DAB1: variants seen among roughly 807,000 people sequenced by gnomAD.
The protein encoded by DAB1 is disabled homolog 1.
A neutral mutation model predicts 64.6 loss-of-function variants in DAB1; 15 were observed. That is an observed-to-expected ratio of 0.23 (90% confidence interval 0.16 to 0.36). The LOEUF (loss-of-function observed/expected upper bound fraction) is 0.36. Among genes scored for constraint, DAB1 ranks in the 10% least tolerant of loss-of-function variants. DAB1 has a pLI of 1.00. For synonymous variants in DAB1, 235 were observed against 251.9 expected, an observed-to-expected ratio of 0.93 and a Z score of 0.64; for missense variants, 596 against 706.7, an observed-to-expected ratio of 0.84 and a Z score of 1.78.
At chr1:57,057,804 T>C (rs1304969485) in intron 9 of DAB1, among the ~76,000 whole-genome samples, 1 of 151,874 alleles carries the variant, frequency 6.6e-6, no homozygotes, top group Non-Finnish European at 1.5e-5. Flanking sequence ...GAGACGGGGT[T>C]TCACTGTATT....
At chr1:57,698,165 T>C (rs1399007063) in intron 6 of DAB1, among the ~76,000 whole-genome samples, 1 of 151,918 alleles carries the variant, frequency 6.6e-6, no homozygotes, top group Non-Finnish European at 1.5e-5. Context: ...TGGCTCACTG[T>C]AGCCTCAAAT....
At chr1:58,384,357 A>G (rs1644415521) in intron 3 of DAB1, among the ~76,000 whole-genome samples, 1 of 152,210 alleles carries the variant, frequency 6.6e-6, no homozygotes, top group South Asian at 2.1e-4. Flanking sequence ...AGACGATAGA[A>G]TGGTGGTTAT....
chr1:58,275,940 TAAC>T (rs1166081281), intron 4 of DAB1, among the ~76,000 whole-genome samples: 1 of 152,206 alleles, frequency 6.6e-6, no homozygotes, highest in Non-Finnish European at 1.5e-5. Context: ...TAACAACAGA[TAAC>T]AAAATGTGTT....
At chr1:58,331,400 T>A (rs1662964516) in intron 4 of DAB1, among the ~76,000 whole-genome samples, 1 of 152,212 alleles carries the variant, frequency 6.6e-6, no homozygotes, top group South Asian at 2.1e-4. Flanking sequence ...CTTAGAGTAG[T>A]ACACAAATTT....
intron 7 of DAB1, among the ~76,000 whole-genome samples, chr1:57,444,215 T>G (rs1450410465): frequency 6.6e-6 from 1 of 152,178 alleles, no homozygotes; most frequent in Non-Finnish European, 1.5e-5. Context: ...TAACATCACT[T>G]ATTCAGAGAG....
In DAB1 at chr1:57,072,284, G is replaced by A. The variant is rs377691560; in HGVS notation, c.437C>T (p.Ala146Val). Reference sequence around the variant, plus strand: ...CCCTTCTTGGATAGGGATACTCACCGCCTGGGCTGTTTTTATGGCCACAAA... The same window carrying A: ...CCCTTCTTGGATAGGGATACTCACCACCTGGGCTGTTTTTATGGCCACAAA... ...HRFVAIKTAQ[A>V]AEPVILDLRD... The change falls in exon 5 of 15, where the codon GCG (alanine) becomes GTG (valine). Residue 146 changes from alanine to valine, a missense_variant and splice_region_variant. By Grantham distance (64) the Ala-to-Val change is moderately conservative (BLOSUM62 0). Coordinates refer to ENST00000371236, the MANE Select transcript of DAB1 (RefSeq NM_001365792.1). The A allele has an allele frequency of 1.8e-5, 29 of 1,613,124 alleles. No homozygotes were observed. Among genetic ancestry groups the A allele is most frequent in the East Asian group, 4.5e-5 (2 of 44,862 alleles).
intron 7 of DAB1, among the ~76,000 whole-genome samples, chr1:57,636,944 A>G (rs1253730471): frequency 6.6e-6 from 1 of 152,164 alleles, no homozygotes. Flanking sequence ...TAACATATGG[A>G]TGGTAGTTAA....
At chr1:57,017,073 T>G (rs1182127773) in intron 11 of DAB1, among the ~76,000 whole-genome samples, 2 of 152,130 alleles carry the variant, frequency 1.3e-5, no homozygotes, top group Non-Finnish European at 2.9e-5. Flanking sequence ...TTCTGATCTT[T>G]GCAGTTAATA....
At chr1:58,086,349 C>G (rs1365361603) in intron 5 of DAB1, among the ~76,000 whole-genome samples, 1 of 152,132 alleles carries the variant, frequency 6.6e-6, no homozygotes, top group Non-Finnish European at 1.5e-5. Flanking sequence ...ATGACATACA[C>G]ACATTGTTGT....
chr1:58,142,609 G>A (rs1300457947), intron 5 of DAB1, among the ~76,000 whole-genome samples: 1 of 152,216 alleles, frequency 6.6e-6, no homozygotes, highest in African/African-American at 2.4e-5. Flanking sequence ...TCCCTTTCAT[G>A]GCCCTGGGCC....
chr1:57,518,763 A>G (rs899271851), intron 7 of DAB1, among the ~76,000 whole-genome samples: 3 of 152,168 alleles, frequency 2.0e-5, no homozygotes, highest in Admixed American at 2.0e-4. Flanking sequence ...ACTCTAAACT[A>G]GTCTCACATA....
chr1:57,720,134 G>A (rs1647133387), intron 6 of DAB1, among the ~76,000 whole-genome samples: 1 of 152,108 alleles, frequency 6.6e-6, no homozygotes, highest in Non-Finnish European at 1.5e-5. Context: ...TACCTAAGCT[G>A]ATTAACTAAA....
chr1:57,261,648 T>C (rs921764090), intron 2 of DAB1, among the ~76,000 whole-genome samples: 2 of 152,120 alleles, frequency 1.3e-5, no homozygotes, highest in Non-Finnish European at 1.5e-5. Context: ...CTCAGCTCAG[T>C]ACCTGGCACA....
intron 3 of DAB1, among the ~76,000 whole-genome samples, chr1:58,407,669 G>A (rs941760789): frequency 1.1e-4 from 16 of 152,064 alleles, no homozygotes; most frequent in East Asian, 3.9e-4. Flanking sequence ...TACACTCCAC[G>A]TCCAGGCAGC....
At chr1:57,004,339 T>G (rs1402141188) in intron 14 of DAB1, among the ~76,000 whole-genome samples, 1 of 152,216 alleles carries the variant, frequency 6.6e-6, no homozygotes. Context: ...CATTTAATAT[T>G]TCTTGTATTT....
intron 6 of DAB1, among the ~76,000 whole-genome samples, chr1:57,757,452 T>C (rs1461483049): frequency 6.6e-6 from 1 of 152,014 alleles, no homozygotes; most frequent in Non-Finnish European, 1.5e-5. Context: ...AAAGGGTGAA[T>C]ACTCCCTTCC....
intron 6 of DAB1, among the ~76,000 whole-genome samples, chr1:57,675,212 T>C (rs1354533601): frequency 3.9e-5 from 6 of 152,190 alleles, no homozygotes; most frequent in Admixed American, 1.3e-4. Flanking sequence ...ATCCAGAGAT[T>C]TGGGGATATT....
At chr1:57,479,721 G>A (rs1199451587) in intron 7 of DAB1, among the ~76,000 whole-genome samples, 2 of 152,016 alleles carry the variant, frequency 1.3e-5, no homozygotes, top group Non-Finnish European at 2.9e-5. Context: ...CTGGGGGCTG[G>A]CACAATGGAA....
chr1:57,619,748 T>C (rs1570679619), intron 7 of DAB1, among the ~76,000 whole-genome samples: 1 of 151,808 alleles, frequency 6.6e-6, no homozygotes, highest in Non-Finnish European at 1.5e-5. Context: ...TGGCCAAGAG[T>C]GTCCTATGAA....
Sources: gnomAD v4.1 joint callset for allele counts (sites outside exome capture counted in the v4.1 genomes callset) on GRCh38, gnomAD v4.1.1 for gene constraint, MANE v1.5 for transcripts, NCBI Gene and HGNC (gene_info 2026-07-23, HGNC 2026-07-21) for gene names.